Variants in PHYKPL observed in about 807,000 individuals in gnomAD.
PHYKPL encodes 5-phosphohydroxy-L-lysine phospho-lyase.
Under a neutral mutation model 51.3 loss-of-function variants are expected in PHYKPL, and 42 were observed. The ratio of observed to expected loss-of-function variants is 0.82; its 90% CI spans 0.64 to 1.06. The LOEUF is 1.06. Ranked by LOEUF, PHYKPL falls within the 50% of genes least tolerant of loss-of-function variation. The pLI, the probability that PHYKPL is intolerant of heterozygous loss-of-function variation, is 0.00. For missense variants in PHYKPL, 655 were observed against 586.6 expected (o/e 1.12, Z -1.20); for synonymous variants, 264 against 236.0 (o/e 1.12, Z -1.09).
intron 3 of PHYKPL, among the ~76,000 whole-genome samples, chr5:178,227,342 TC>T (rs1762500991): frequency 6.6e-6 from 1 of 152,226 alleles, no homozygotes; most frequent in Non-Finnish European, 1.5e-5. Context: ...GTCTTGGACT[TC>T]CAGCCTCCAG....
At chr5:178,230,358 AC>A in intron 2 of PHYKPL, 3 of 415,824 alleles carry the variant, frequency 7.2e-6, no homozygotes, top group African/African-American at 2.1e-5. Flanking sequence ...TTTAAGGAGG[AC>A]TTTTTTTTTT....
At chr5:178,215,012 T>C (rs1480222364) in intron 9 of PHYKPL, 127 bp from the exon 10 acceptor site, 2 of 882,688 alleles carry the variant, frequency 2.3e-6, no homozygotes, top group African/African-American at 3.4e-5. Flanking sequence ...CAGAAGGTGG[T>C]GAGAATAGTT....
intron 10 of PHYKPL, among the ~76,000 whole-genome samples, chr5:178,213,616 T>C (rs898302919): frequency 1.3e-5 from 2 of 152,242 alleles, no homozygotes; most frequent in Non-Finnish European, 2.9e-5. Context: ...CTTAACATCA[T>C]TTGTAGCTAA....
At chr5:178,207,579 T>C (rs957725770), downstream of PHYKPL, among the ~76,000 whole-genome samples, 1 of 152,092 alleles carries the variant, frequency 6.6e-6, no homozygotes. Context: ...CAGAAGATCC[T>C]AGAACTTCTG....
In PHYKPL at chr5:178,232,438, C is replaced by T. The variant is rs535603645; in HGVS notation, c.59+54G>A. 7 of 1,375,942 alleles carry T rather than the reference C, an allele frequency of 5.1e-6. No homozygotes were observed. In the South Asian group the frequency reaches 6.6e-5, roughly 13 times the overall value. 85.2% of individuals were successfully genotyped at this position (1,375,942 alleles called of 1,614,324 possible). On this transcript the variant is annotated intron_variant, in intron 1 of 12. Coordinates refer to ENST00000308158, the MANE Select transcript of PHYKPL (RefSeq NM_153373.4). The stretch of plus-strand genomic sequence containing the variant: ...CGTGCGTGCGTGCGTCGTGCGTGCG[C>T]GTGCCTCTCCGCGCAGCCCCGCGCC...
At chr5:178,225,091 T>C (rs1581331672) in intron 4 of PHYKPL, 2 of 571,196 alleles carry the variant, frequency 3.5e-6, no homozygotes, top group East Asian at 2.8e-5. Context: ...CTGGAGTAGT[T>C]TGAACATGTA....
Position 178,214,894 on chromosome 5 carries a change from GA to G in PHYKPL, c.1083-10del, listed in dbSNP as rs1163485023. 4 of 1,612,810 alleles carry G rather than the reference GA, an allele frequency of 2.5e-6. No homozygotes were observed. The highest frequency in any genetic ancestry group is 3.4e-6 in the Non-Finnish European group (4 of 1,179,822). ...TGAAGAGCCCAACACCCCTGCAAGG[GA>G]AGGTGACGACATCTCAGGAGGCCAG... On this transcript the variant is annotated splice_polypyrimidine_tract_variant and intron_variant, in intron 9 of 12. Transcript: ENST00000308158.
At chr5:178,209,434 T>TGGTGGA in intron 12 of PHYKPL, 9 of 1,613,398 alleles carry the variant, frequency 5.6e-6, no homozygotes, top group African/African-American at 5.4e-5. Context: ...GCGGAGGTGG[T>TGGTGGA]GGTGGAGGTG....
chr5:178,227,570 A>T (rs1289770711), intron 3 of PHYKPL, among the ~76,000 whole-genome samples: 2 of 152,186 alleles, frequency 1.3e-5, no homozygotes, highest in Middle Eastern at 3.2e-3. Context: ...AACCAGGAGA[A>T]GATGAGGGAG....
At chr5:178,209,983 A>T in intron 12 of PHYKPL, 1 of 1,014,454 alleles carries the variant, frequency 9.9e-7, no homozygotes, top group Non-Finnish European at 1.4e-6. Flanking sequence ...GGTTGGGCCC[A>T]GGGCCCTTAT....
downstream of PHYKPL, among the ~76,000 whole-genome samples, chr5:178,208,002 C>T (rs904899271): frequency 9.9e-5 from 15 of 152,186 alleles, no homozygotes; most frequent in African/African-American, 3.1e-4. Context: ...TAAGTTAACC[C>T]TAAACCCAGG....
At position 178,231,829 on chromosome 5, in the gene PHYKPL, GC is replaced by G. The variant is rs1314942570; in HGVS notation, c.60-307del. The G allele has an allele frequency of 2.9e-6, 4 of 1,364,624 alleles. No homozygotes were observed. In the Admixed American group the frequency reaches 8.8e-5, roughly 30 times the overall value. The allele number at this position is 1,364,624 out of a possible 1,614,324, so 84.5% of individuals were successfully genotyped here. A position where few individuals can be genotyped will look rare whatever the true frequency, so the allele number is the denominator to read the frequency against. On this transcript the variant is annotated intron_variant, in intron 1 of 12. Transcript: ENST00000308158. ...GTCTCCCGGATCCTGAGAAAAGGTG[GC>G]TGCCCCGTCCCATGGGGACTCCATA...
At chr5:178,230,146 T>A in intron 2 of PHYKPL, 47 bp from the exon 3 acceptor site, 2 of 1,606,922 alleles carry the variant, frequency 1.2e-6, no homozygotes, top group Non-Finnish European at 1.7e-6. Flanking sequence ...ACTCAGCCAG[T>A]CCCACTGGGC....
In PHYKPL at chr5:178,218,032, A is replaced by G. The variant is rs374744008; in HGVS notation, c.928-2602T>C. On this transcript the variant is annotated intron_variant, in intron 8 of 12. Transcript: ENST00000308158. ...GGAGATCGAGACCATCCTGGCTAAC[A>G]CGGTGAAACCCCGTCTCTACTAAAA... Among the ~76,000 whole-genome samples the G allele has an allele frequency of 3.6e-4, 51 of 143,326 alleles. No homozygotes were observed. In the East Asian group the frequency reaches 8.8e-3, roughly 25 times the overall value. 94.0% of individuals were successfully genotyped at this position (143,326 alleles called of 152,430 possible).
intron 6 of PHYKPL, 108 bp from the exon 7 acceptor site, chr5:178,223,042 G>T: frequency 9.9e-7 from 1 of 1,014,006 alleles, no homozygotes; most frequent in Non-Finnish European, 1.5e-6. Context: ...CACCATCAGT[G>T]CTGCACCCCT....
intron 4 of PHYKPL, 161 bp from the exon 5 acceptor site, chr5:178,224,890 C>T: frequency 1.7e-6 from 1 of 598,792 alleles, no homozygotes; most frequent in Non-Finnish European, 3.0e-6. Context: ...GCTTTGGAGT[C>T]AGCAACAATT....
chr5:178,218,216 C>CAAA (rs777929826), intron 8 of PHYKPL, among the ~76,000 whole-genome samples: 1,217 of 57,808 alleles, frequency 0.021, 67 homozygotes, highest in African/African-American at 0.072. Flanking sequence ...AACTCCGTCT[C>CAAA]AAAAAAAAAA....
chr5:178,217,581 G>T (rs957974520), intron 8 of PHYKPL, among the ~76,000 whole-genome samples: 7 of 151,370 alleles, frequency 4.6e-5, no homozygotes, highest in African/African-American at 1.7e-4. Context: ...AAAGTCAGCC[G>T]GCCGCGGTGA....
At chr5:178,207,685 T>C (rs1473492751), downstream of PHYKPL, among the ~76,000 whole-genome samples, 1 of 140,314 alleles carries the variant, frequency 7.1e-6, no homozygotes, top group Non-Finnish European at 1.5e-5. Context: ...CCATCCACTT[T>C]GAGCACTTTT....
Sources: gnomAD v4.1 joint callset for allele counts (sites outside exome capture counted in the v4.1 genomes callset) on GRCh38, gnomAD v4.1.1 for gene constraint, MANE v1.5 for transcripts, NCBI Gene and HGNC (gene_info 2026-07-23, HGNC 2026-07-21) for gene names.